The following ARHGAP21 variants were observed in gnomAD, a reference collection of about 807,000 sequenced individuals.
ARHGAP21 encodes rho GTPase-activating protein 21.
In ARHGAP21, 38 loss-of-function variants were observed where a neutral mutation model predicts 164.6. That is an observed-to-expected ratio of 0.23 (90% confidence interval 0.18 to 0.30). ARHGAP21 has a LOEUF of 0.30. ARHGAP21 is among the 10% of genes least tolerant of loss of function. ARHGAP21 has a pLI of 1.00. For missense variants in ARHGAP21, 1,822 were observed against 2,370.7 expected (o/e 0.77, Z 4.81); for synonymous variants, 766 against 857.9 (o/e 0.89, Z 1.87).
intron 2 of ARHGAP21, among the ~76,000 whole-genome samples, chr10:24,713,134 C>A (rs927073608): frequency 6.6e-6 from 1 of 152,154 alleles, no homozygotes; most frequent in African/African-American, 2.4e-5. Flanking sequence ...AGGACATATA[C>A]TCAAGAATAT....
At chr10:24,593,775 AAATT>A (rs960390766) in intron 21 of ARHGAP21, among the ~76,000 whole-genome samples, 5 of 152,342 alleles carry the variant, frequency 3.3e-5, no homozygotes, top group African/African-American at 4.8e-5. Flanking sequence ...GAAAATACTG[AAATT>A]AATTAGAGAC....
At chr10:24,637,568 T>C (rs1231586646) in intron 4 of ARHGAP21, among the ~76,000 whole-genome samples, 1 of 152,210 alleles carries the variant, frequency 6.6e-6, no homozygotes, top group African/African-American at 2.4e-5. Context: ...CATTAATGAA[T>C]TCTACAAAAT....
intron 24 of ARHGAP21, chr10:24,590,485 C>T: frequency 6.5e-7 from 1 of 1,535,062 alleles, no homozygotes; most frequent in Non-Finnish European, 8.7e-7. Context: ...TTCGCCTGTT[C>T]AACATCAGTA....
At chr10:24,705,637 T>C (rs1441769413) in intron 2 of ARHGAP21, among the ~76,000 whole-genome samples, 2 of 152,222 alleles carry the variant, frequency 1.3e-5, no homozygotes, top group African/African-American at 4.8e-5. Context: ...GTGTGCTTTA[T>C]TTATCATTCA....
In ARHGAP21 at chr10:24,638,929, C is replaced by T. The variant is rs192802152; in HGVS notation, c.269-3826G>A. Among the ~76,000 whole-genome samples the T allele has an allele frequency of 4.6e-5, 7 of 152,244 alleles. No homozygotes were observed. In the South Asian group the frequency reaches 1.0e-3, roughly 23 times the overall value. ...AAAAGCACATGTAAATTTACCTGAA[C>T]TTGAACACTACACTTGAAATCAGAA... On this transcript the variant is annotated intron_variant, in intron 4 of 25. Coordinates refer to ENST00000396432, the MANE Select transcript of ARHGAP21 (RefSeq NM_020824.4).
At chr10:24,709,519 C>T (rs1233077322) in intron 2 of ARHGAP21, among the ~76,000 whole-genome samples, 1 of 152,060 alleles carries the variant, frequency 6.6e-6, no homozygotes, top group East Asian at 1.9e-4. Context: ...GACAGGACAG[C>T]TTGAGCTCAG....
chr10:24,612,856 AAAAT>A (rs71506841), intron 9 of ARHGAP21, among the ~76,000 whole-genome samples: 9 of 150,058 alleles, frequency 6.0e-5, no homozygotes, highest in East Asian at 2.0e-4. Flanking sequence ...CTCTGTTTCA[AAAAT>A]AAATAAATAA....
chr10:24,641,954 C>A (rs1287143589), intron 4 of ARHGAP21, among the ~76,000 whole-genome samples: 1 of 151,404 alleles, frequency 6.6e-6, no homozygotes, highest in Non-Finnish European at 1.5e-5. Flanking sequence ...CTAGACTGCG[C>A]CACTGCACTC....
rs375457890 is a variant in ARHGAP21, at chr10:24,601,972, C to G, written c.2847+6G>C. On this transcript the variant is annotated splice_donor_region_variant and intron_variant, in intron 13 of 25. Transcript: ENST00000396432. The stretch of plus-strand genomic sequence containing the variant: ...GACACTCAGGGTGGCTTAGAAAACA[C>G]ACTACCTTGCCCTTATCGGTGACAA... 45 of 1,570,382 alleles carry G rather than the reference C, an allele frequency of 2.9e-5. No individual in the cohort carries two copies. Among genetic ancestry groups the G allele is most frequent in the Non-Finnish European group, 3.5e-5 (40 of 1,155,432 alleles).
At chr10:24,709,936 G>C (rs1165205839) in intron 2 of ARHGAP21, among the ~76,000 whole-genome samples, 2 of 152,162 alleles carry the variant, frequency 1.3e-5, no homozygotes, top group Non-Finnish European at 2.9e-5. Context: ...CTCCCAACAA[G>C]TGACATTCAA....
At chr10:24,660,301 T>C (rs1245623619) in intron 4 of ARHGAP21, among the ~76,000 whole-genome samples, 1 of 134,050 alleles carries the variant, frequency 7.5e-6, no homozygotes. Flanking sequence ...GGAGGATCAC[T>C]TGAGCTCATG....
chr10:24,620,868 C>T lies in ARHGAP21; in HGVS notation c.1027G>A (p.Gly343Arg). 1 of 1,613,900 alleles carries T rather than the reference C, an allele frequency of 6.2e-7. No individual in the cohort carries two copies. Among genetic ancestry groups the T allele is most frequent in the Admixed American group, 1.7e-5 (1 of 59,994 alleles). ...TAATTTCCAGACTTAAGTAAAATTC[C>T]AGAAGGTTCCAGTGATCTGGAGCCT... ...PAGSRSLEPS[G>R]ILLKSGNYSG... is the part of the protein sequence containing the mutation. Residue 343 changes from glycine (G) to arginine (R), a missense_variant, in exon 9 of 26, where the codon GGA becomes AGA. By Grantham distance (125) the Gly-to-Arg change is moderately radical. Transcript: ENST00000396432.
chr10:24,721,746 T>A, intron 2 of ARHGAP21, 91 bp downstream of exon 2: 1 of 1,458,894 alleles, frequency 6.9e-7, no homozygotes. Flanking sequence ...AAGCCCCTAG[T>A]GAGGCCCCGT....
intron 4 of ARHGAP21, among the ~76,000 whole-genome samples, chr10:24,652,642 G>GCTT (rs1838300811): frequency 6.6e-6 from 1 of 152,128 alleles, no homozygotes; most frequent in South Asian, 2.1e-4. Flanking sequence ...AAAAAGAACT[G>GCTT]ACAGGTAAAA....
At chr10:24,649,337 G>C (rs1837921573) in intron 4 of ARHGAP21, among the ~76,000 whole-genome samples, 1 of 152,142 alleles carries the variant, frequency 6.6e-6, no homozygotes, top group East Asian at 1.9e-4. Context: ...CACTGAACAT[G>C]AGCATCCACT....
chr10:24,627,727 ATGAG>A (rs532322287), intron 7 of ARHGAP21, among the ~76,000 whole-genome samples: 84 of 152,342 alleles, frequency 5.5e-4, no homozygotes, highest in African/African-American at 1.6e-3. Context: ...TAGAATATGA[ATGAG>A]TAACAGAACA....
intron 2 of ARHGAP21, among the ~76,000 whole-genome samples, chr10:24,680,605 C>T (rs1841673009): frequency 6.6e-6 from 1 of 152,098 alleles, no homozygotes; most frequent in African/African-American, 2.4e-5. Context: ...TCAGTCATTC[C>T]ACCCACCCAG....
At chr10:24,651,999 G>C (rs1471320551) in intron 4 of ARHGAP21, among the ~76,000 whole-genome samples, 2 of 152,154 alleles carry the variant, frequency 1.3e-5, no homozygotes, top group Non-Finnish European at 2.9e-5. Context: ...CAATGGAATA[G>C]AACAAAGGTT....
chr10:24,723,071 C>G (rs1846091461), intron 1 of ARHGAP21: 1 of 152,082 alleles, frequency 6.6e-6, no homozygotes, highest in Middle Eastern at 3.4e-3. Flanking sequence ...GGTCGGGGAC[C>G]TCGAGCTCCC....
Sources: allele counts gnomAD v4.1 joint callset (sites outside exome capture counted in the v4.1 genomes callset), GRCh38; gene constraint gnomAD v4.1.1; transcripts MANE v1.5; gene names NCBI Gene and HGNC (gene_info 2026-07-23, HGNC 2026-07-21).